HS3ST4: variants seen among roughly 807,000 people sequenced by gnomAD.
The protein encoded by HS3ST4 is heparan sulfate-glucosamine 3-sulfotransferase 4, also known as heparan sulfate glucosamine 3-O-sulfotransferase 4.
A neutral mutation model predicts 29.2 loss-of-function variants in HS3ST4; 17 were observed. The ratio of observed to expected loss-of-function variants is 0.58; its 90% confidence interval spans 0.40 to 0.87. The LOEUF (loss-of-function observed/expected upper bound fraction) is 0.87, where lower values mean the gene tolerates loss of function less well. HS3ST4 is among the 40% of genes least tolerant of loss of function. HS3ST4 has a pLI of 0.00. For missense variants in HS3ST4, 627 were observed against 634.5 expected (o/e 0.99, Z 0.13); for synonymous variants, 314 against 285.7 (o/e 1.10, Z -1.00).
intron 1 of HS3ST4, among the ~76,000 whole-genome samples, chr16:25,821,884 A>G (rs1366984023): frequency 5.3e-5 from 8 of 151,956 alleles, no homozygotes; most frequent in Admixed American, 5.2e-4. Flanking sequence ...CCTCTAGCCA[A>G]CTCCATCTCT....
chr16:25,978,946 T>TTTTG (rs1555476139), intron 1 of HS3ST4, among the ~76,000 whole-genome samples: 4 of 149,162 alleles, frequency 2.7e-5, no homozygotes, highest in Admixed American at 2.0e-4. Flanking sequence ...CTTTTTGTTT[T>TTTTG]TTTTTTTTTT....
intron 1 of HS3ST4, among the ~76,000 whole-genome samples, chr16:26,037,109 T>C (rs181960551): frequency 6.6e-6 from 1 of 152,154 alleles, no homozygotes; most frequent in Non-Finnish European, 1.5e-5. Context: ...TGATCTAAGC[T>C]CAGCCTACTT....
At chr16:26,037,115 T>A (rs1420061302) in intron 1 of HS3ST4, among the ~76,000 whole-genome samples, 1 of 152,208 alleles carries the variant, frequency 6.6e-6, no homozygotes, top group Non-Finnish European at 1.5e-5. Context: ...AAGCTCAGCC[T>A]ACTTGGGTAG....
intron 1 of HS3ST4, among the ~76,000 whole-genome samples, chr16:25,795,159 G>C (rs1229306470): frequency 1.3e-5 from 2 of 151,836 alleles, no homozygotes; most frequent in African/African-American, 2.4e-5. Flanking sequence ...TTTTAGTAGA[G>C]ACGAAGTTTC....
At chr16:25,707,276 A>G (rs1252731048) in intron 1 of HS3ST4, among the ~76,000 whole-genome samples, 1 of 152,222 alleles carries the variant, frequency 6.6e-6, no homozygotes, top group African/African-American at 2.4e-5. Context: ...AGAAAGGGTA[A>G]GAATAGTAAA....
chr16:25,895,006 G>A (rs1968045461), intron 1 of HS3ST4, among the ~76,000 whole-genome samples: 2 of 152,218 alleles, frequency 1.3e-5, no homozygotes, highest in South Asian at 4.1e-4. Context: ...TTAGTTTGGT[G>A]TGGGAGACAG....
At chr16:26,106,740 G>T (rs896430149) in intron 1 of HS3ST4, among the ~76,000 whole-genome samples, 2 of 152,212 alleles carry the variant, frequency 1.3e-5, no homozygotes, top group Non-Finnish European at 2.9e-5. Context: ...ATGTCTTCCT[G>T]TGCTGTTCCC....
intron 1 of HS3ST4, among the ~76,000 whole-genome samples, chr16:25,849,290 G>T (rs1596590055): frequency 6.6e-6 from 1 of 152,114 alleles, no homozygotes; most frequent in Non-Finnish European, 1.5e-5. Context: ...ACGTATTTAT[G>T]TATATACATG....
chr16:25,794,896 T>TACACACACACAC (rs59740575), intron 1 of HS3ST4, among the ~76,000 whole-genome samples: 20 of 136,712 alleles, frequency 1.5e-4, no homozygotes, highest in African/African-American at 3.9e-4. Context: ...TACTCAAGAA[T>TACACACACACAC]ACACACACAC....
At chr16:26,005,400 A>C (rs1196589501) in intron 1 of HS3ST4, among the ~76,000 whole-genome samples, 1 of 152,196 alleles carries the variant, frequency 6.6e-6, no homozygotes, top group East Asian at 1.9e-4. Flanking sequence ...ACGGGAGATA[A>C]GCAGCCTTAG....
intron 1 of HS3ST4, among the ~76,000 whole-genome samples, chr16:25,949,321 A>C (rs1420983972): frequency 1.3e-5 from 2 of 152,004 alleles, no homozygotes; most frequent in African/African-American, 2.4e-5. Context: ...CTTTCTAACT[A>C]TTTTTGGTAC....
chr16:25,704,384 AG>A (rs1966359227), intron 1 of HS3ST4, among the ~76,000 whole-genome samples: 1 of 152,138 alleles, frequency 6.6e-6, no homozygotes, highest in Non-Finnish European at 1.5e-5. Context: ...GTTTTCTTAC[AG>A]ATAGAGAGAT....
chr16:25,751,044 A>T (rs1418815021), intron 1 of HS3ST4, among the ~76,000 whole-genome samples: 1 of 152,158 alleles, frequency 6.6e-6, no homozygotes, highest in African/African-American at 2.4e-5. Flanking sequence ...AGGAGCCAAG[A>T]AGCTGCCACT....
chr16:25,828,165 C>T (rs1246803021), intron 1 of HS3ST4, among the ~76,000 whole-genome samples: 1 of 133,842 alleles, frequency 7.5e-6, no homozygotes, highest in Non-Finnish European at 1.6e-5. Flanking sequence ...TCCTTTCCTT[C>T]CTTTCTCTCT....
intron 1 of HS3ST4, among the ~76,000 whole-genome samples, chr16:26,002,663 GA>G (rs1220359385): frequency 4.3e-5 from 6 of 138,092 alleles, no homozygotes; most frequent in African/African-American, 1.6e-4. Flanking sequence ...GAAAGAGAGA[GA>G]GGGAAAGAGA....
chr16:26,055,035 T>C (rs1232752673), intron 1 of HS3ST4, among the ~76,000 whole-genome samples: 3 of 152,096 alleles, frequency 2.0e-5, no homozygotes, highest in Non-Finnish European at 4.4e-5. Flanking sequence ...GTTGTTCCTA[T>C]GACATTAAAT....
At chr16:25,846,797 C>T (rs1208636346) in intron 1 of HS3ST4, among the ~76,000 whole-genome samples, 2 of 152,038 alleles carry the variant, frequency 1.3e-5, no homozygotes, top group Non-Finnish European at 2.9e-5. Flanking sequence ...AAATACTTCT[C>T]ATTCCCCCAA....
Position 25,931,672 on chromosome 16 carries a change from A to G in HS3ST4, c.735-203940A>G, listed in dbSNP as rs1457641537. ...ATCACAGGGCCACTGACCAGGATGC[A>G]CTTGGCACAGGTCTATGCAGATAGA... On this transcript the variant is annotated intron_variant, in intron 1 of 1. Transcript: ENST00000331351. Among the ~76,000 whole-genome samples the G allele has an allele frequency of 2.0e-5, 3 of 152,370 alleles. No individual in the cohort carries two copies. In the East Asian group the frequency reaches 5.8e-4, roughly 29 times the overall value.
intron 1 of HS3ST4, among the ~76,000 whole-genome samples, chr16:25,822,974 G>C (rs1567247932): frequency 6.6e-6 from 1 of 152,128 alleles, no homozygotes; most frequent in Admixed American, 6.6e-5. Context: ...CTGGCCTCAA[G>C]TGATCTGCCC....
Sources: allele counts gnomAD v4.1 joint callset (sites outside exome capture counted in the v4.1 genomes callset), GRCh38; gene constraint gnomAD v4.1.1; transcripts MANE v1.5; gene names NCBI Gene and HGNC (gene_info 2026-07-23, HGNC 2026-07-21).